The following FHIT variants were observed in gnomAD, a reference collection of about 807,000 sequenced individuals.
FHIT encodes bis(5'-adenosyl)-triphosphatase.
FHIT carries 19 observed loss-of-function variants against 17.9 expected under a neutral mutation model. The ratio of observed to expected loss-of-function variants is 1.06; its 90% CI spans 0.74 to 1.56. The LOEUF is 1.56. FHIT is among the 40% of genes most tolerant of loss of function. The probability of loss-of-function intolerance (pLI) is 0.00; values close to 1 mark genes in which losing one functional copy is unlikely to be tolerated. For missense variants in FHIT, 248 were observed against 189.2 expected (o/e 1.31, Z -1.82); for synonymous variants, 81 against 69.7 (o/e 1.16, Z -0.81).
chr3:59,769,746 T>G (rs79045721), intron 8 of FHIT, among the ~76,000 whole-genome samples: 1 of 151,602 alleles, frequency 6.6e-6, no homozygotes, highest in Admixed American at 6.6e-5. Flanking sequence ...TTTTTTTTTT[T>G]TGAAAAAAAT....
chr3:60,885,049 G>T (rs1249077535), intron 3 of FHIT, among the ~76,000 whole-genome samples: 4 of 152,026 alleles, frequency 2.6e-5, no homozygotes, highest in African/African-American at 9.7e-5. Flanking sequence ...GCCTGGAAAG[G>T]GTGGCAAGAG....
At chr3:60,832,604 A>C (rs983161235) in intron 3 of FHIT, among the ~76,000 whole-genome samples, 2 of 152,120 alleles carry the variant, frequency 1.3e-5, no homozygotes, top group Admixed American at 6.5e-5. Context: ...GGTATGTCAG[A>C]CATACGTGGT....
intron 5 of FHIT, among the ~76,000 whole-genome samples, chr3:60,230,522 T>C (rs17396765): frequency 0.16 from 24,909 of 152,116 alleles, 2,176 homozygotes; most frequent in East Asian, 0.25. Flanking sequence ...AAATCGCAGA[T>C]AGCATAGGCA....
At chr3:60,302,940 A>C (rs1217058182) in intron 5 of FHIT, among the ~76,000 whole-genome samples, 1 of 152,170 alleles carries the variant, frequency 6.6e-6, no homozygotes, top group Non-Finnish European at 1.5e-5. Context: ...GATCAAAATC[A>C]ATTTTCAACT....
intron 3 of FHIT, among the ~76,000 whole-genome samples, chr3:60,950,807 G>A (rs1194227047): frequency 1.3e-5 from 2 of 151,512 alleles, no homozygotes; most frequent in Non-Finnish European, 2.9e-5. Flanking sequence ...ACAGGCGTGA[G>A]CCACCATGCC....
chr3:60,821,700 T>C (rs2106770016), intron 4 of FHIT, among the ~76,000 whole-genome samples: 2 of 152,304 alleles, frequency 1.3e-5, no homozygotes, highest in South Asian at 4.1e-4. Context: ...TTCTTTTATT[T>C]AACTGACATA....
At chr3:60,168,214 G>A (rs773440833) in intron 5 of FHIT, among the ~76,000 whole-genome samples, 1 of 152,168 alleles carries the variant, frequency 6.6e-6, no homozygotes, top group Non-Finnish European at 1.5e-5. Flanking sequence ...ATGAATGAAT[G>A]AAACAAGAGA....
intron 4 of FHIT, among the ~76,000 whole-genome samples, chr3:60,763,695 G>A (rs1699745088): frequency 6.6e-6 from 1 of 152,140 alleles, no homozygotes; most frequent in Non-Finnish European, 1.5e-5. Flanking sequence ...GTGTGATCAG[G>A]TAACCCTTAC....
intron 4 of FHIT, among the ~76,000 whole-genome samples, chr3:60,607,178 C>A (rs1016515082): frequency 3.9e-5 from 6 of 152,132 alleles, no homozygotes; most frequent in African/African-American, 1.4e-4. Context: ...TCATTGATAA[C>A]CACACCACTA....
chr3:60,602,201 A>C (rs1371691004), intron 4 of FHIT, among the ~76,000 whole-genome samples: 2 of 152,188 alleles, frequency 1.3e-5, no homozygotes, highest in Non-Finnish European at 2.9e-5. Context: ...TCCTGAGAAA[A>C]ATTTAATGAT....
chr3:61,117,099 GCC>G (rs2036320084), intron 2 of FHIT, among the ~76,000 whole-genome samples: 1 of 152,138 alleles, frequency 6.6e-6, no homozygotes, highest in Admixed American at 6.5e-5. Context: ...TTTTATTAAG[GCC>G]TTCCAATAAT....
chr3:60,058,280 G>C (rs1207320192), intron 5 of FHIT, among the ~76,000 whole-genome samples: 1 of 151,694 alleles, frequency 6.6e-6, no homozygotes, highest in East Asian at 1.9e-4. Context: ...GAGTAGCTGG[G>C]ATTACATGCC....
intron 4 of FHIT, among the ~76,000 whole-genome samples, chr3:60,712,325 C>A (rs1553705366): frequency 1.3e-5 from 2 of 152,048 alleles, no homozygotes; most frequent in African/African-American, 4.8e-5. Context: ...CAAAATCATG[C>A]CAAAATGTAA....
intron 5 of FHIT, among the ~76,000 whole-genome samples, chr3:60,311,705 T>C (rs961488941): frequency 2.0e-5 from 3 of 152,226 alleles, no homozygotes; most frequent in African/African-American, 4.8e-5. Context: ...GCTTTTATTA[T>C]GCAAAGGCTG....
At chr3:61,076,263 C>T (rs2034968260) in intron 2 of FHIT, among the ~76,000 whole-genome samples, 1 of 152,114 alleles carries the variant, frequency 6.6e-6, no homozygotes, top group Non-Finnish European at 1.5e-5. Flanking sequence ...AGCACTTCCC[C>T]ATAGAGAAAA....
intron 5 of FHIT, among the ~76,000 whole-genome samples, chr3:60,142,994 C>G (rs1700101921): frequency 1.3e-5 from 2 of 152,148 alleles, no homozygotes; most frequent in Admixed American, 1.3e-4. Context: ...TATGGCTGCT[C>G]TAAGCAGCTA....
Position 59,924,063 on chromosome 3 carries a change from A to T in FHIT, c.280-1649T>A, listed in dbSNP as rs1429482782. ...AAAGTGAAAGAACAAACAAGGAAAA[A>T]ATAAATCACAAACTACCCATGAAAC... On this transcript the variant is annotated intron_variant, in intron 7 of 9. Coordinates refer to ENST00000492590, the MANE Select transcript of FHIT (RefSeq NM_002012.4). 2.6e-5 allele frequency among the ~76,000 whole-genome samples: 4 copies of T among 152,210 alleles called. No individual in the cohort carries two copies. In the South Asian group the frequency reaches 8.3e-4, roughly 32 times the overall value.
chr3:60,461,173 A>T (rs1162031708), intron 5 of FHIT, among the ~76,000 whole-genome samples: 3 of 152,060 alleles, frequency 2.0e-5, no homozygotes, highest in African/African-American at 7.2e-5. Context: ...AGTGCCAAAA[A>T]CTCTGATTAT....
At position 60,782,219 on chromosome 3, in the gene FHIT, T is replaced by TTGTG. The variant is rs538033687; in HGVS notation, c.-18+39696_-18+39699dup. ...ATTTTTAAGGCTGAAGAATATTTCA[T>TTGTG]TGTGTGTGTGTGTGTGTGTATATAT... On this transcript the variant is annotated intron_variant, in intron 4 of 9. Transcript: ENST00000492590. Among the ~76,000 whole-genome samples the TTGTG allele has an allele frequency of 1.4e-3, 205 of 144,232 alleles. 3 individuals are homozygous for TTGTG. Among genetic ancestry groups the TTGTG allele is most frequent in the African/African-American group, 5.2e-3 (196 of 37,692 alleles). The allele number at this position is 144,232 out of a possible 152,430, so 94.6% of individuals were successfully genotyped here.
Sources: gnomAD v4.1 joint callset for allele counts (sites outside exome capture counted in the v4.1 genomes callset) on GRCh38, gnomAD v4.1.1 for gene constraint, MANE v1.5 for transcripts, NCBI Gene and HGNC (gene_info 2026-07-23, HGNC 2026-07-21) for gene names.